Variants in MAST4 observed in about 807,000 individuals in gnomAD.
MAST4 encodes the protein microtubule-associated serine/threonine-protein kinase 4.
Under a neutral mutation model 162.7 loss-of-function variants are expected in MAST4, and 89 were observed. The observed-to-expected ratio is 0.55, with a 90% confidence interval of 0.46 to 0.65. MAST4 has a LOEUF of 0.65. Ranked by LOEUF, MAST4 falls within the 30% of genes least tolerant of loss-of-function variation. MAST4 has a pLI of 0.00. For synonymous variants in MAST4, 1,479 were observed against 1,361.1 expected (o/e 1.09, Z -1.91); for missense variants, 3,153 against 3,374.0 (o/e 0.93, Z 1.62).
intron 1 of MAST4, among the ~76,000 whole-genome samples, chr5:66,597,463 G>T (rs988533365): frequency 1.3e-5 from 2 of 152,136 alleles, no homozygotes; most frequent in Non-Finnish European, 2.9e-5. Context: ...GGAGTAGGGT[G>T]GGGGGCAGCG....
Position 67,168,242 on chromosome 5 carries a change from T to C in MAST4, c.*1191T>C, listed in dbSNP as rs1670670349. 1 of 152,136 alleles carries C rather than the reference T, an allele frequency of 6.6e-6. No individual in the cohort carries two copies. Among genetic ancestry groups the C allele is most frequent in the East Asian group, 1.9e-4 (1 of 5,200 alleles). The allele number at this position is 152,136 out of a possible 1,614,324, so 9.4% of individuals were successfully genotyped here. On this transcript the variant is annotated 3_prime_UTR_variant, in exon 29 of 29. Coordinates refer to ENST00000403625, the MANE Select transcript of MAST4 (RefSeq NM_001164664.2). The stretch of plus-strand genomic sequence containing the variant: ...GCCTTATGTTGTAGATGAAGCTTGC[T>C]GTTTTTAGCAAGTTCCTGGGTTTCA...
chr5:66,732,156 A>C (rs1046824820), intron 1 of MAST4, among the ~76,000 whole-genome samples: 6 of 151,950 alleles, frequency 3.9e-5, no homozygotes, highest in Non-Finnish European at 2.9e-5. Flanking sequence ...ACTATTTCTT[A>C]GCTTTACAAT....
intron 1 of MAST4, among the ~76,000 whole-genome samples, chr5:66,712,051 C>T (rs778036827): frequency 1.3e-5 from 2 of 152,104 alleles, no homozygotes; most frequent in Non-Finnish European, 2.9e-5. Flanking sequence ...ATCATTTATC[C>T]GTTCTACTGT....
At chr5:67,035,192 G>A (rs544045794) in intron 4 of MAST4, among the ~76,000 whole-genome samples, 3 of 152,120 alleles carry the variant, frequency 2.0e-5, no homozygotes, top group African/African-American at 7.2e-5. Context: ...GAATGGGCCT[G>A]GCCTGGCTTG....
intron 4 of MAST4, among the ~76,000 whole-genome samples, chr5:66,997,623 G>T (rs1425011429): frequency 6.6e-6 from 1 of 151,918 alleles, no homozygotes; most frequent in African/African-American, 2.4e-5. Context: ...AGTAGAGACG[G>T]GGTTTCGCCA....
intron 4 of MAST4, among the ~76,000 whole-genome samples, chr5:67,046,437 C>T (rs1219845103): frequency 2.0e-5 from 3 of 152,296 alleles, no homozygotes; most frequent in Non-Finnish European, 4.4e-5. Context: ...TTTGTTGTAT[C>T]TCTTTTCCAG....
intron 1 of MAST4, among the ~76,000 whole-genome samples, chr5:66,718,080 A>G (rs189504672): frequency 6.6e-6 from 1 of 152,304 alleles, no homozygotes; most frequent in African/African-American, 2.4e-5. Flanking sequence ...TGCTTTAAAA[A>G]AAAAATGTCT....
chr5:67,133,361 A>G (rs760963793), intron 16 of MAST4, among the ~76,000 whole-genome samples, 153 bp from the exon 17 acceptor site: 4 of 152,138 alleles, frequency 2.6e-5, no homozygotes, highest in Non-Finnish European at 5.9e-5. Flanking sequence ...TGACATCTTT[A>G]TGTGACTCCA....
chr5:67,083,645 G>T (rs1762912552), intron 5 of MAST4, among the ~76,000 whole-genome samples: 1 of 152,016 alleles, frequency 6.6e-6, no homozygotes, highest in Non-Finnish European at 1.5e-5. Flanking sequence ...AATGCATTAG[G>T]TTACATTCTT....
intron 1 of MAST4, among the ~76,000 whole-genome samples, chr5:66,640,745 C>T (rs1285543395): frequency 6.6e-6 from 1 of 152,156 alleles, no homozygotes; most frequent in Non-Finnish European, 1.5e-5. Flanking sequence ...TGGGCATGTA[C>T]CTAGAAAGGA....
chr5:66,833,435 T>G (rs1757750098), intron 3 of MAST4, among the ~76,000 whole-genome samples: 1 of 152,168 alleles, frequency 6.6e-6, no homozygotes. Context: ...AGAGTCCATA[T>G]CACTGCCCTG....
chr5:66,795,531 A>G (rs148079328), intron 3 of MAST4, among the ~76,000 whole-genome samples: 3 of 152,342 alleles, frequency 2.0e-5, no homozygotes, highest in East Asian at 1.9e-4. Context: ...GCATCTCACT[A>G]TACCCTGGTC....
intron 4 of MAST4, chr5:66,917,152 A>T: frequency 1.6e-6 from 1 of 621,560 alleles, no homozygotes; most frequent in Admixed American, 2.5e-5. Flanking sequence ...TTCCAATCTT[A>T]TTACCCCTGG....
Position 67,166,599 on chromosome 5 carries a change from G to A in MAST4, c.7420G>A (p.Glu2474Lys), listed in dbSNP as rs1315416574. 6.2e-7 allele frequency: 1 copy of A among 1,601,838 alleles called. No homozygotes were observed. Among genetic ancestry groups the A allele is most frequent in the South Asian group, 1.1e-5 (1 of 88,770 alleles). The change falls in exon 29 of 29, where the codon GAG becomes AAG. Residue 2474 changes from glutamate to lysine, a missense_variant. Coordinates refer to ENST00000403625, the MANE Select transcript of MAST4 (RefSeq NM_001164664.2). ...SFPETRAGVR[E>K]ASAASSDTSS... ...CCCTGAAACCAGGGCCGGAGTTAGA[G>A]AGGCCTCTGCAGCCAGCAGCGACAC... is the stretch of plus-strand genomic sequence containing the variant.
chr5:66,840,633 C>T (rs1758355558), intron 3 of MAST4, among the ~76,000 whole-genome samples: 1 of 152,092 alleles, frequency 6.6e-6, no homozygotes, highest in Admixed American at 6.6e-5. Flanking sequence ...GTTCATTGGC[C>T]AATGAGCTAT....
In MAST4 at chr5:66,996,291, T is replaced by C. The variant is rs192547388; in HGVS notation, c.675-58113T>C. ...TGAAACTCCATCTCAAAAAAATATATATATATATACTTTGTTGATTTCCAT... is the reference window on the plus strand; with the variant it reads ...TGAAACTCCATCTCAAAAAAATATACATATATATACTTTGTTGATTTCCAT... On this transcript the variant is annotated intron_variant, in intron 4 of 28. Transcript: ENST00000403625. 3.2e-4 allele frequency among the ~76,000 whole-genome samples: 48 copies of C among 152,026 alleles called. No homozygotes were observed. In the East Asian group the frequency reaches 9.3e-3, roughly 29 times the overall value.
At chr5:67,137,835 A>C (rs1183146126) in intron 19 of MAST4, among the ~76,000 whole-genome samples, 6 of 152,208 alleles carry the variant, frequency 3.9e-5, no homozygotes, top group African/African-American at 1.4e-4. Context: ...AGAGTTAGGT[A>C]GTCATGACAG....
intron 2 of MAST4, among the ~76,000 whole-genome samples, chr5:66,771,528 T>A (rs27512): frequency 0.15 from 23,347 of 152,088 alleles, 2,107 homozygotes; most frequent in East Asian, 0.44. Context: ...GTATGCCAAT[T>A]AGGCTAATGA....
chr5:66,964,928 T>C (rs955627900), intron 4 of MAST4, among the ~76,000 whole-genome samples: 1 of 152,280 alleles, frequency 6.6e-6, no homozygotes, highest in African/African-American at 2.4e-5. Flanking sequence ...TTGCCACTTA[T>C]GGCCACTTCC....
Sources: gnomAD v4.1 joint callset for allele counts (sites outside exome capture counted in the v4.1 genomes callset) on GRCh38, gnomAD v4.1.1 for gene constraint, MANE v1.5 for transcripts, NCBI Gene and HGNC (gene_info 2026-07-23, HGNC 2026-07-21) for gene names.